The following TRNAU1AP variants were observed in gnomAD, a reference collection of about 807,000 sequenced individuals.
TRNAU1AP encodes the protein tRNA selenocysteine 1-associated protein 1.
Under a neutral mutation model 43.3 loss-of-function variants are expected in TRNAU1AP, and 33 were observed. The observed-to-expected ratio is 0.76, with a 90% CI of 0.58 to 1.02. The LOEUF (loss-of-function observed/expected upper bound fraction) is 1.02, where lower values mean the gene tolerates loss of function less well. Among genes scored for constraint, TRNAU1AP ranks in the 50% least tolerant of loss-of-function variants. The pLI is 0.00. For missense variants in TRNAU1AP, 290 were observed against 362.7 expected (o/e 0.80, Z 1.63); for synonymous variants, 143 against 129.1 (o/e 1.11, Z -0.73).
intron 2 of TRNAU1AP, 89 bp from the exon 3 acceptor site, chr1:28,560,544 G>C (rs1357529985): frequency 6.6e-6 from 7 of 1,058,312 alleles, no homozygotes; most frequent in Non-Finnish European, 1.0e-5. Flanking sequence ...CCAAACTGTT[G>C]GGATTATATG....
intron 6 of TRNAU1AP, among the ~76,000 whole-genome samples, chr1:28,569,469 A>G (rs1239949983): frequency 6.6e-6 from 1 of 151,856 alleles, no homozygotes; most frequent in Non-Finnish European, 1.5e-5. Flanking sequence ...AGGTGGGTGG[A>G]TCACAAGGTC....
At chr1:28,560,471 G>C (rs1157312075) in intron 2 of TRNAU1AP, among the ~76,000 whole-genome samples, 162 bp from the exon 3 acceptor site, 1 of 152,004 alleles carries the variant, frequency 6.6e-6, no homozygotes, top group Non-Finnish European at 1.5e-5. Flanking sequence ...TAGTAGAGAT[G>C]GTGTTTCAGC....
rs565473302 is a variant in TRNAU1AP at position 28,572,051 on chromosome 1, G to A, written c.727+151G>A. ...AGAGCCAGACAAATATGTAATTATGGTAAGATGTGTCGGGTGTTACCCAGA... is the reference window on the plus strand; with the variant it reads ...AGAGCCAGACAAATATGTAATTATGATAAGATGTGTCGGGTGTTACCCAGA... On this transcript the variant is annotated intron_variant, in intron 8 of 8. Coordinates refer to ENST00000373830, the MANE Select transcript of TRNAU1AP (RefSeq NM_017846.5). The A allele has an allele frequency of 3.5e-5, 26 of 748,924 alleles. No individual in the cohort carries two copies. In the African/African-American group the frequency reaches 4.1e-4, roughly 12 times the overall value. 46.4% of individuals were successfully genotyped at this position (748,924 alleles called of 1,614,324 possible). A position where few individuals can be genotyped will look rare whatever the true frequency, so the allele number is the denominator to read the frequency against.
chr1:28,572,009 A>C (rs1665672260), intron 8 of TRNAU1AP, 109 bp downstream of exon 8: 1 of 987,938 alleles, frequency 1.0e-6, no homozygotes, highest in South Asian at 1.3e-5. Context: ...CTCTGGAAGA[A>C]CTTACATTCT....
At chr1:28,576,566 C>G (rs1455909899) in intron 8 of TRNAU1AP, among the ~76,000 whole-genome samples, 1 of 151,972 alleles carries the variant, frequency 6.6e-6, no homozygotes, top group East Asian at 1.9e-4. Context: ...ATCTGCCTGC[C>G]TTGGCCTCCC....
At chr1:28,573,306 G>A (rs1229058917) in intron 8 of TRNAU1AP, among the ~76,000 whole-genome samples, 6 of 148,190 alleles carry the variant, frequency 4.0e-5, no homozygotes, top group African/African-American at 1.5e-4. Flanking sequence ...TGGGATTACA[G>A]GGGTGAGCCA....
Position 28,577,762 on chromosome 1 carries a change from G to T in TRNAU1AP, c.*126G>T, listed in dbSNP as rs1201772404. 1 of 1,093,198 alleles carries T rather than the reference G, an allele frequency of 9.1e-7. No homozygotes were observed. The highest frequency in any genetic ancestry group is 1.3e-6 in the Non-Finnish European group (1 of 762,264). 67.7% of individuals were successfully genotyped at this position (1,093,198 alleles called of 1,614,324 possible). On this transcript the variant is annotated 3_prime_UTR_variant, in exon 9 of 9. Coordinates refer to ENST00000373830, the MANE Select transcript of TRNAU1AP (RefSeq NM_017846.5). Reference sequence around the variant, plus strand: ...AATAATGACTGTTTTTGGAGATCATGAATGTTTCTACAACACTGCTGCATT... The same window carrying T: ...AATAATGACTGTTTTTGGAGATCATTAATGTTTCTACAACACTGCTGCATT...
chr1:28,553,238 G>T, intron 1 of TRNAU1AP, 101 bp downstream of exon 1: 1 of 1,281,022 alleles, frequency 7.8e-7, no homozygotes, highest in Non-Finnish European at 1.0e-6. Flanking sequence ...TCCCAGAAAG[G>T]GGAGACGTGT....
intron 2 of TRNAU1AP, among the ~76,000 whole-genome samples, chr1:28,557,883 G>A (rs983343935): frequency 2.1e-5 from 3 of 145,846 alleles, no homozygotes; most frequent in African/African-American, 5.1e-5. Context: ...CACCGCTCCC[G>A]GCCAACACCC....
chr1:28,561,729 G>A (rs548409454), intron 4 of TRNAU1AP, among the ~76,000 whole-genome samples: 1 of 152,242 alleles, frequency 6.6e-6, no homozygotes, highest in African/African-American at 2.4e-5. Context: ...CCTGAGCCTA[G>A]GAGTTCAAGA....
At chr1:28,573,918 C>T (rs570961375) in intron 8 of TRNAU1AP, among the ~76,000 whole-genome samples, 27 of 151,254 alleles carry the variant, frequency 1.8e-4, no homozygotes, top group Non-Finnish European at 3.7e-4. Context: ...TCCTGGGTGA[C>T]GAGAGTGAAA....
chr1:28,560,608 C>A (rs1395042549), intron 2 of TRNAU1AP, 25 bp from the exon 3 acceptor site: 1 of 1,592,932 alleles, frequency 6.3e-7, no homozygotes, highest in Non-Finnish European at 8.6e-7. Context: ...TAACCATTTT[C>A]TTTCTCTATT....
intron 5 of TRNAU1AP, among the ~76,000 whole-genome samples, chr1:28,566,305 A>G (rs532581481): frequency 7.6e-6 from 1 of 132,236 alleles, no homozygotes; most frequent in African/African-American, 3.0e-5. Flanking sequence ...ACACAGCGAG[A>G]CTCCATCTCA....
At position 28,571,329 on chromosome 1, in the gene TRNAU1AP, C is replaced by A. The variant is rs766938878; in HGVS notation, c.684C>A (p.Ser228Arg). Residue 228 changes from serine to arginine, a missense_variant, in exon 7 of 9, where the codon AGC (serine) becomes AGA (arginine). Physicochemically the swap from Ser to Arg is moderately radical, Grantham distance 110. Transcript: ENST00000373830. The part of the protein sequence containing the change: ...YSYPQYGYTQ[S>R]TMQTYEEVGD... ...ACCCCCAGTATGGCTATACCCAGAG[C>A]ACCATGCAGGTAACCATGACTTGGC... 6.2e-7 allele frequency: 1 copy of A among 1,613,860 alleles called. No individual in the cohort carries two copies. Among genetic ancestry groups the A allele is most frequent in the South Asian group, 1.1e-5 (1 of 91,066 alleles).
intron 6 of TRNAU1AP, among the ~76,000 whole-genome samples, chr1:28,569,102 C>A (rs550173305): frequency 6.6e-6 from 1 of 152,066 alleles, no homozygotes; most frequent in Non-Finnish European, 1.5e-5. Flanking sequence ...TGAGCCACTG[C>A]GCCCAGCCAA....
At chr1:28,553,323 G>A in intron 1 of TRNAU1AP, 186 bp downstream of exon 1, 3 of 773,390 alleles carry the variant, frequency 3.9e-6, no homozygotes, top group East Asian at 5.5e-5. Context: ...TGAGGCTAGG[G>A]GTCCTGGGGC....
chr1:28,553,127 G>C lies in TRNAU1AP; in HGVS notation c.17G>C (p.Trp6Ser). The C allele has an allele frequency of 6.6e-7, 1 of 1,521,002 alleles. No individual in the cohort carries two copies. Among genetic ancestry groups the C allele is most frequent in the Non-Finnish European group, 8.8e-7 (1 of 1,131,698 alleles). The allele number at this position is 1,521,002 out of a possible 1,614,324, so 94.2% of individuals were successfully genotyped here. MAASLWMGDLEPYMDE... is the reference protein window; with the variant it reads MAASLSMGDLEPYMDE... ...TGCGCGGGTATGGCGGCCAGCCTGT[G>C]GATGGGCGACGTGAGTGAGGGCAGC... Residue 6 changes from tryptophan to serine, a missense_variant, in exon 1 of 9, where the codon TGG becomes TCG. Around this residue, in one of 3 missense-constraint regions of TRNAU1AP, gnomAD observed 59 missense variants for 45.5 expected, o/e 1.30. Transcript: ENST00000373830.
chr1:28,560,979 C>G, intron 3 of TRNAU1AP: 1 of 1,171,932 alleles, frequency 8.5e-7, no homozygotes, highest in South Asian at 1.8e-5. Flanking sequence ...AAATCCATGC[C>G]TTTCCATTCT....
At chr1:28,575,258 G>A (rs562128167) in intron 8 of TRNAU1AP, among the ~76,000 whole-genome samples, 1 of 152,004 alleles carries the variant, frequency 6.6e-6, no homozygotes, top group African/African-American at 2.4e-5. Context: ...AGGTTCAAGC[G>A]ATTCCCCTGC....
Sources: gnomAD v4.1 joint callset for allele counts (sites outside exome capture counted in the v4.1 genomes callset) on GRCh38, gnomAD v4.1.1 for gene constraint, gnomAD v4.1.1 regional missense constraint, MANE v1.5 for transcripts, NCBI Gene and HGNC (gene_info 2026-07-23, HGNC 2026-07-21) for gene names.